TTC12: variants seen among roughly 807,000 people sequenced by gnomAD.
TTC12 encodes the protein tetratricopeptide repeat domain 12, also known as tetratricopeptide repeat protein 12.
A neutral mutation model predicts 90.1 loss-of-function variants in TTC12; 70 were observed. That is an observed-to-expected ratio of 0.78 (90% CI 0.64 to 0.95). TTC12 has a LOEUF of 0.95. Ranked by LOEUF, TTC12 falls within the 40% of genes least tolerant of loss-of-function variation. The pLI, the probability that TTC12 is intolerant of heterozygous loss-of-function variation, is 0.00. For missense variants in TTC12, 819 were observed against 846.1 expected (o/e 0.97, Z 0.40); for synonymous variants, 296 against 311.5 (o/e 0.95, Z 0.53).
chr11:113,361,329 G>A (rs531771187), intron 18 of TTC12, among the ~76,000 whole-genome samples: 1 of 152,244 alleles, frequency 6.6e-6, no homozygotes, highest in Non-Finnish European at 1.5e-5. Context: ...CGTTGACAGT[G>A]AACAGGCAAT....
At chr11:113,346,883 T>G (rs1949000553) in intron 13 of TTC12, among the ~76,000 whole-genome samples, 1 of 152,326 alleles carries the variant, frequency 6.6e-6, no homozygotes, top group South Asian at 2.1e-4. Context: ...TAACCTTGCA[T>G]TTATTAGTTA....
At chr11:113,363,971 A>G in intron 20 of TTC12, 44 bp downstream of exon 20, 3 of 1,390,488 alleles carry the variant, frequency 2.2e-6, no homozygotes, top group South Asian at 2.4e-5. Flanking sequence ...CCAGAGGTTC[A>G]TCCACCCTTG....
At chr11:113,362,746 C>T (rs1402451478) in intron 19 of TTC12, among the ~76,000 whole-genome samples, 2 of 152,174 alleles carry the variant, frequency 1.3e-5, no homozygotes, top group Admixed American at 6.5e-5. Context: ...AACCTGCTTA[C>T]CCCTCAAGCC....
chr11:113,337,556 G>A (rs1555144430), intron 8 of TTC12, among the ~76,000 whole-genome samples: 1 of 152,118 alleles, frequency 6.6e-6, no homozygotes, highest in East Asian at 1.9e-4. Flanking sequence ...CAGGAGATGA[G>A]GTCAAACAGG....
intron 19 of TTC12, among the ~76,000 whole-genome samples, chr11:113,363,173 G>T (rs890607507): frequency 1.3e-5 from 2 of 152,194 alleles, no homozygotes; most frequent in Admixed American, 1.3e-4. Context: ...ATGCTCTGCG[G>T]GCTGCTGCTA....
chr11:113,339,535 G>C (rs1948569736), intron 10 of TTC12, 61 bp downstream of exon 10: 1 of 1,466,910 alleles, frequency 6.8e-7, no homozygotes, highest in African/African-American at 1.4e-5. Flanking sequence ...ACATTCAGAG[G>C]TCTGCCTTTA....
chr11:113,359,279 C>T, intron 16 of TTC12, 84 bp from the exon 17 acceptor site: 4 of 886,428 alleles, frequency 4.5e-6, no homozygotes, highest in Non-Finnish European at 7.4e-6. Flanking sequence ...GTGGGGAACT[C>T]TGAGACCCTT....
chr11:113,325,897 T>C (rs970267761), intron 6 of TTC12, among the ~76,000 whole-genome samples: 1 of 152,152 alleles, frequency 6.6e-6, no homozygotes, highest in Admixed American at 6.5e-5. Flanking sequence ...GCTCTCTCCA[T>C]AGTATAAGTC....
At chr11:113,334,808 A>G (rs1176081720) in intron 7 of TTC12, 158 bp from the exon 8 acceptor site, 2 of 570,178 alleles carry the variant, frequency 3.5e-6, no homozygotes, top group East Asian at 2.9e-5. Flanking sequence ...GCAGGCATCA[A>G]TTAGTTTGGT....
intron 19 of TTC12, 110 bp downstream of exon 19, chr11:113,362,612 C>T: frequency 1.3e-6 from 1 of 749,636 alleles, no homozygotes; most frequent in Non-Finnish European, 2.3e-6. Flanking sequence ...GCCATTTCTT[C>T]CTTGCTAGAT....
Position 113,325,542 on chromosome 11 carries a change from A to G in TTC12, c.341A>G (p.Asn114Ser), listed in dbSNP as rs782616447. ...VLADALKEKG[N>S]EAFAEGNYET... ...CCCATAGCCCTAAAAGAAAAAGGGA[A>G]TGAAGCATTTGCTGAAGGCAATTAT... is the stretch of plus-strand genomic sequence containing the variant. The change falls in exon 6 of 22, where the codon AAT becomes AGT. Residue 114 changes from asparagine to serine, a missense_variant. Asn to Ser is a conservative substitution (Grantham distance 46, BLOSUM62 1). Coordinates refer to ENST00000529221, the MANE Select transcript of TTC12 (RefSeq NM_017868.4). 2.9e-5 allele frequency: 46 copies of G among 1,613,844 alleles called. No individual in the cohort carries two copies. Among genetic ancestry groups the G allele is most frequent in the Non-Finnish European group, 3.8e-5 (45 of 1,179,828 alleles).
chr11:113,352,481 A>G (rs1555150776), intron 16 of TTC12, among the ~76,000 whole-genome samples: 1 of 151,996 alleles, frequency 6.6e-6, no homozygotes, highest in East Asian at 1.9e-4. Context: ...TTTTAAATTC[A>G]GGGGTACATG....
At chr11:113,326,056 G>T (rs1429035928) in intron 6 of TTC12, among the ~76,000 whole-genome samples, 2 of 152,186 alleles carry the variant, frequency 1.3e-5, no homozygotes, top group Non-Finnish European at 2.9e-5. Flanking sequence ...TTAACTCCTA[G>T]CGGATGCCCA....
At chr11:113,324,124 T>G (rs1404335750) in intron 4 of TTC12, 109 bp downstream of exon 4, 2 of 871,062 alleles carry the variant, frequency 2.3e-6, no homozygotes, top group Non-Finnish European at 3.7e-6. Context: ...ACAAACAACC[T>G]GTGAACAAAA....
At chr11:113,363,389 A>G (rs1412648974) in intron 19 of TTC12, among the ~76,000 whole-genome samples, 2 of 152,246 alleles carry the variant, frequency 1.3e-5, no homozygotes, top group South Asian at 2.1e-4. Context: ...GACAGTTGTC[A>G]TCTCTTAAAA....
At chr11:113,350,439 T>C (rs1949207603) in intron 14 of TTC12, among the ~76,000 whole-genome samples, 1 of 152,122 alleles carries the variant, frequency 6.6e-6, no homozygotes, top group Non-Finnish European at 1.5e-5. Flanking sequence ...GCCTCCCAAG[T>C]GTCAGGAACC....
intron 10 of TTC12, 156 bp downstream of exon 10, chr11:113,339,630 A>G: frequency 1.6e-6 from 1 of 644,090 alleles, no homozygotes; most frequent in Non-Finnish European, 2.6e-6. Flanking sequence ...TGCACAAGAA[A>G]TGTCCTCCGA....
intron 7 of TTC12, among the ~76,000 whole-genome samples, chr11:113,332,213 A>G (rs1555142791): frequency 6.6e-6 from 1 of 152,198 alleles, no homozygotes; most frequent in Non-Finnish European, 1.5e-5. Context: ...CTTCCTCTGA[A>G]GGCAGGATTC....
At chr11:113,335,478 A>C (rs1040619430) in intron 8 of TTC12, among the ~76,000 whole-genome samples, 1 of 152,160 alleles carries the variant, frequency 6.6e-6, no homozygotes, top group Non-Finnish European at 1.5e-5. Context: ...ATATGATTCA[A>C]TAGTTTTTAG....
Sources: allele counts gnomAD v4.1 joint callset (sites outside exome capture counted in the v4.1 genomes callset), GRCh38; gene constraint gnomAD v4.1.1; transcripts MANE v1.5; gene names NCBI Gene and HGNC (gene_info 2026-07-23, HGNC 2026-07-21).